Variants in GRIP1 observed in about 807,000 individuals in gnomAD.
The protein encoded by GRIP1 is glutamate receptor-interacting protein 1.
GRIP1 carries 45 observed loss-of-function variants against 129.9 expected under a neutral mutation model. The ratio of observed to expected loss-of-function variants is 0.35; its 90% confidence interval spans 0.27 to 0.44. The LOEUF is 0.44. GRIP1 is among the 20% of genes least tolerant of loss of function. GRIP1 has a pLI of 1.00. For synonymous variants in GRIP1, 530 were observed against 520.8 expected (o/e 1.02, Z -0.24); for missense variants, 1,196 against 1,396.8 (o/e 0.86, Z 2.29).
intron 1 of GRIP1, among the ~76,000 whole-genome samples, chr12:66,785,339 C>CATATATATATATATATATATATATATAT (rs1242812457): frequency 7.4e-4 from 27 of 36,464 alleles, no homozygotes; most frequent in East Asian, 3.4e-3. Flanking sequence ...TACATACATA[C>CATATATATATATATATATATATATATAT]ATACATATAT....
intron 1 of GRIP1, among the ~76,000 whole-genome samples, chr12:67,030,428 A>G (rs955137335): frequency 1.9e-4 from 29 of 152,248 alleles, no homozygotes; most frequent in African/African-American, 6.3e-4. Context: ...GCGGCAACAT[A>G]ACTCAAGCAA....
chr12:66,579,262 A>G (rs966352263), intron 2 of GRIP1, among the ~76,000 whole-genome samples: 4 of 152,306 alleles, frequency 2.6e-5, no homozygotes, highest in East Asian at 1.9e-4. Flanking sequence ...CCATCTGTAC[A>G]TCACCATCAT....
intron 1 of GRIP1, among the ~76,000 whole-genome samples, chr12:67,034,054 A>G (rs1382270428): frequency 6.6e-6 from 1 of 152,218 alleles, no homozygotes; most frequent in Non-Finnish European, 1.5e-5. Flanking sequence ...CCCTCTCAGT[A>G]ACACATTCCA....
upstream of GRIP1, among the ~76,000 whole-genome samples, chr12:66,682,469 G>T (rs571687630): frequency 7.9e-5 from 12 of 152,226 alleles, no homozygotes; most frequent in South Asian, 1.7e-3. Flanking sequence ...TCATAAGAAG[G>T]GGGTGGGTTG....
upstream of GRIP1, chr12:66,679,187 C>G (rs1477315238): frequency 1.5e-6 from 2 of 1,301,756 alleles, no homozygotes; most frequent in Non-Finnish European, 2.0e-6. Context: ...CAACAAAGCA[C>G]CAAATTGTAC....
intron 1 of GRIP1, among the ~76,000 whole-genome samples, chr12:66,802,744 TTC>T: frequency 6.6e-6 from 1 of 152,296 alleles, no homozygotes; most frequent in East Asian, 1.9e-4. Flanking sequence ...TTTATTCAGT[TTC>T]TGAGTTTTCA....
intron 1 of GRIP1, among the ~76,000 whole-genome samples, chr12:66,633,014 T>C (rs1210972715): frequency 6.6e-6 from 1 of 151,762 alleles, no homozygotes; most frequent in Admixed American, 6.6e-5. Context: ...AGAATATCTG[T>C]AACTTTTTTA....
At chr12:66,874,690 G>A (rs2701290) in intron 1 of GRIP1, among the ~76,000 whole-genome samples, 4 of 151,858 alleles carry the variant, frequency 2.6e-5, no homozygotes, top group Non-Finnish European at 5.9e-5. Context: ...ACAACCAGAT[G>A]TTGTGATAAT....
At chr12:66,377,638 C>CT (rs3045282) in intron 20 of GRIP1, among the ~76,000 whole-genome samples, 2,753 of 124,564 alleles carry the variant, frequency 0.022, 102 homozygotes, top group Admixed American at 0.094. Context: ...CGCACCCGGC[C>CT]TTTTTTTTTT....
At chr12:66,787,245 A>G (rs923964728) in intron 1 of GRIP1, among the ~76,000 whole-genome samples, 2 of 152,204 alleles carry the variant, frequency 1.3e-5, no homozygotes, top group African/African-American at 2.4e-5. Flanking sequence ...TGTTCTACTA[A>G]CAATTAAAGG....
chr12:66,386,991 G>A lies in GRIP1; in HGVS notation c.2464+5317C>T, dbSNP rs557185679. Among the ~76,000 whole-genome samples, 7 of 152,294 alleles carry A rather than the reference G, an allele frequency of 4.6e-5. No homozygotes were observed. The East Asian group carries it at 9.6e-4, about 21-fold the overall frequency. ...AACCTCCATCTTAATCACAACTAGAGTGTTCATGTAATCTCAGACCATAAT... is the reference window on the plus strand; with the variant it reads ...AACCTCCATCTTAATCACAACTAGAATGTTCATGTAATCTCAGACCATAAT... On this transcript the variant is annotated intron_variant, in intron 19 of 24. Coordinates refer to ENST00000359742, the MANE Select transcript of GRIP1 (RefSeq NM_001366722.1).
chr12:66,624,138 G>C (rs7953437), intron 1 of GRIP1, among the ~76,000 whole-genome samples: 40,264 of 152,026 alleles, frequency 0.26, 5,491 homozygotes, highest in African/African-American at 0.31. Context: ...TCTACAATAA[G>C]ATAGAAGTTA....
chr12:66,803,093 T>C (rs1279009660), intron 1 of GRIP1, among the ~76,000 whole-genome samples: 5 of 152,298 alleles, frequency 3.3e-5, no homozygotes, highest in Admixed American at 1.3e-4. Context: ...ACCACAGAAA[T>C]TGGGATTTAA....
At position 66,815,854 on chromosome 12, in the gene GRIP1, T is replaced by TTCTTTCTTTCTC. The variant is rs1555241802; in HGVS notation, c.59-218928_59-218927insGAGAAAGAAAGA. Among the ~76,000 whole-genome samples the TTCTTTCTTTCTC allele has an allele frequency of 2.1e-3, 241 of 116,780 alleles. 1 individual carries two copies. Among genetic ancestry groups the TTCTTTCTTTCTC allele is most frequent in the South Asian group, 5.3e-3 (16 of 3,036 alleles). 76.6% of individuals were successfully genotyped at this position (116,780 alleles called of 152,430 possible). ...TTTCTTTCTTTCTTTCTTTCTTTCT[T>TTCTTTCTTTCTC]TCTCTCTCTCTCTCTCTCTCTCTCT... On this transcript the variant is annotated intron_variant, in intron 1 of 1. Transcript: ENST00000643019.
At chr12:66,366,381 T>C (rs2055145554) in intron 23 of GRIP1, among the ~76,000 whole-genome samples, 2 of 152,276 alleles carry the variant, frequency 1.3e-5, no homozygotes, top group South Asian at 4.1e-4. Flanking sequence ...AACTTTATCA[T>C]ATCAAGCAGA....
chr12:66,795,824 A>G (rs2038679002), intron 1 of GRIP1, among the ~76,000 whole-genome samples: 1 of 152,134 alleles, frequency 6.6e-6, no homozygotes, highest in South Asian at 2.1e-4. Flanking sequence ...TGGACATACA[A>G]AAGCCATTAA....
At chr12:67,044,450 T>C (rs1293285950) in intron 1 of GRIP1, among the ~76,000 whole-genome samples, 11 of 152,200 alleles carry the variant, frequency 7.2e-5, no homozygotes, top group Admixed American at 1.3e-4. Context: ...TCACCTTCTA[T>C]AGAAAATAAA....
chr12:66,669,387 CAATA>C lies in GRIP1; in HGVS notation c.55+9459_55+9462del, dbSNP rs76985683. Among the ~76,000 whole-genome samples the C allele has an allele frequency of 3.1e-4, 47 of 151,028 alleles. 1 individual carries two copies. Among genetic ancestry groups the C allele is most frequent in the Non-Finnish European group, 6.3e-4 (43 of 67,790 alleles). Reference sequence around the variant, plus strand: ...TGGGTGACAGAGTGAGACTCTGTCTCAATAAATAAATAAATAAATAAATAAATAT... The same window carrying C: ...TGGGTGACAGAGTGAGACTCTGTCTCAATAAATAAATAAATAAATAAATAT... On this transcript the variant is annotated intron_variant, in intron 1 of 24. Transcript: ENST00000359742.
chr12:66,864,890 C>CA (rs1346403561), intron 1 of GRIP1, among the ~76,000 whole-genome samples: 3 of 152,056 alleles, frequency 2.0e-5, no homozygotes, highest in Admixed American at 2.0e-4. Flanking sequence ...AACTGTTGAC[C>CA]ATCTTAGTGC....
Sources: gnomAD v4.1 joint callset for allele counts (sites outside exome capture counted in the v4.1 genomes callset) on GRCh38, gnomAD v4.1.1 for gene constraint, MANE v1.5 for transcripts, NCBI Gene and HGNC (gene_info 2026-07-23, HGNC 2026-07-21) for gene names.